The following PARP4 variants were observed in gnomAD, a reference collection of about 807,000 sequenced individuals.
PARP4 encodes the protein poly(ADP-ribose) polymerase family member 4.
Under a neutral mutation model 187.7 loss-of-function variants are expected in PARP4, and 120 were observed. The observed-to-expected ratio is 0.64, with a 90% CI of 0.55 to 0.74. PARP4 has a LOEUF of 0.74. Among genes scored for constraint, PARP4 ranks in the 30% least tolerant of loss-of-function variants. The pLI, the probability that PARP4 is intolerant of heterozygous loss-of-function variation, is 0.00. For synonymous variants in PARP4, 654 were observed against 740.9 expected, an observed-to-expected ratio of 0.88 and a Z score of 1.90; for missense variants, 1,836 against 2,070.5, an observed-to-expected ratio of 0.89 and a Z score of 2.20.
At chr13:24,511,132 C>T (rs1869998482) in intron 1 of PARP4, among the ~76,000 whole-genome samples, 1 of 152,120 alleles carries the variant, frequency 6.6e-6, no homozygotes, top group Admixed American at 6.6e-5. Context: ...CTGTTCTTAG[C>T]ACCTGCGGCT....
chr13:24,442,247 G>A (rs1411624342), intron 29 of PARP4, among the ~76,000 whole-genome samples: 8 of 149,898 alleles, frequency 5.3e-5, no homozygotes, highest in Non-Finnish European at 1.2e-4. Context: ...GGCCTTTTCG[G>A]CCTTTTCTAT....
intron 30 of PARP4, among the ~76,000 whole-genome samples, chr13:24,440,923 A>T (rs1332521572): frequency 6.6e-6 from 1 of 152,112 alleles, no homozygotes; most frequent in Non-Finnish European, 1.5e-5. Flanking sequence ...CTAAGGCTGG[A>T]GTGTAGGGGT....
At chr13:24,454,625 G>T (rs75574535) in intron 22 of PARP4, among the ~76,000 whole-genome samples, 5,341 of 152,254 alleles carry the variant, frequency 0.035, 129 homozygotes, top group African/African-American at 0.069. Context: ...CAGACCAAGG[G>T]TTTTGTATTT....
Position 24,478,204 on chromosome 13 carries a change from G to A in PARP4, c.1521C>T (p.Leu507=), listed in dbSNP as rs567046721. The change falls in exon 13 of 34, where the codon CTC becomes CTT. Residue 507 remains leucine, a synonymous_variant. Coordinates refer to ENST00000381989, the MANE Select transcript of PARP4 (RefSeq NM_006437.4). The part of the protein sequence containing the change: ...TRLLLICDVA[L]GKCMDLHEKD... ...TCTCATGTAAGTCCATACACTTTCCGAGGGCTACGTCACAAATGAGCAGGA... is the reference window on the plus strand; with the variant it reads ...TCTCATGTAAGTCCATACACTTTCCAAGGGCTACGTCACAAATGAGCAGGA... 207 of 1,613,654 alleles carry A rather than the reference G, an allele frequency of 1.3e-4. No homozygotes were observed. Among genetic ancestry groups the A allele is most frequent in the Admixed American group, 4.5e-4 (27 of 59,972 alleles).
intron 30 of PARP4, among the ~76,000 whole-genome samples, chr13:24,438,933 G>C (rs192851693): frequency 6.6e-5 from 10 of 152,300 alleles, no homozygotes; most frequent in Admixed American, 1.3e-4. Context: ...TATCGAGGAA[G>C]AGTAACAGAG....
rs751093728 is a variant in PARP4, at chr13:24,493,630, A to C, written c.845T>G (p.Leu282Arg). 8 of 1,613,938 alleles carry C rather than the reference A, an allele frequency of 5.0e-6. No homozygotes were observed. Among genetic ancestry groups the C allele is most frequent in the Non-Finnish European group, 6.8e-6 (8 of 1,179,956 alleles). Residue 282 changes from leucine to arginine, a missense_variant, in exon 8 of 34, where the codon CTT becomes CGT. Physicochemically the swap from Leu to Arg is moderately radical, Grantham distance 102. This residue lies in a region of PARP4 where 1,147 missense variants were observed against 1,214.2 expected (regional missense o/e 0.94). Transcript: ENST00000381989. The stretch of plus-strand genomic sequence containing the variant: ...GCTAATCCTGTTCACTGGCTTGAGA[A>C]GCATGTGTTCCAGGTGGCCCAGGGC... ...AEALGHLEHMLLKPVNRISLN... is the reference protein window; with the variant it reads ...AEALGHLEHMRLKPVNRISLN...
intron 31 of PARP4, 69 bp from the exon 32 acceptor site, chr13:24,431,545 G>T (rs1870335496): frequency 2.0e-6 from 2 of 991,518 alleles, no homozygotes; most frequent in Non-Finnish European, 1.6e-6. Context: ...TTACGTAGTG[G>T]GGGAAGGAGT....
rs532231448 is a variant in PARP4 at position 24,455,248 on chromosome 13, T to C, written c.2563-36A>G. 1.4e-5 allele frequency: 21 copies of C among 1,489,602 alleles called. No homozygotes were observed. In the African/African-American group the frequency reaches 2.5e-4, roughly 18 times the overall value. The allele number at this position is 1,489,602 out of a possible 1,614,324, so 92.3% of individuals were successfully genotyped here. ...AAAGAAGGTGCTGGACTGGAGCTTC[T>C]TGTCACTTCAACTGCAAAAGGTCTA... On this transcript the variant is annotated intron_variant, in intron 21 of 33. Transcript: ENST00000381989.
Position 24,452,553 on chromosome 13 carries a change from G to A in PARP4, c.2867C>T (p.Thr956Ile), listed in dbSNP as rs771420063. Residue 956 changes from threonine (T) to isoleucine (I), a missense_variant, in exon 24 of 34, where the codon ACA becomes ATA. This residue lies in a region of PARP4 where 1,147 missense variants were observed against 1,214.2 expected (regional missense o/e 0.94). Transcript: ENST00000381989. ...PTMGNTDFWK[T>I]LRYLSLLYPA... ...GTACAATAAGCTAAGATATCGGAGT[G>A]TTTTCCAGAAGTCTGTGTTCCCCAT... The A allele has an allele frequency of 3.1e-6, 5 of 1,614,036 alleles. No individual in the cohort carries two copies. Among genetic ancestry groups the A allele is most frequent in the Admixed American group, 1.7e-5 (1 of 60,010 alleles).
chr13:24,473,328 G>T (rs1160127693), intron 15 of PARP4, among the ~76,000 whole-genome samples: 1 of 152,154 alleles, frequency 6.6e-6, no homozygotes, highest in Non-Finnish European at 1.5e-5. Context: ...AGTGCTTTGA[G>T]CACTGCCTGG....
At chr13:24,450,224 T>C (rs111618647) in intron 24 of PARP4, among the ~76,000 whole-genome samples, 2,873 of 129,294 alleles carry the variant, frequency 0.022, no homozygotes, top group Non-Finnish European at 0.027. Context: ...AAAGTCTACC[T>C]CTTGAAATCT....
intron 1 of PARP4, among the ~76,000 whole-genome samples, chr13:24,510,351 G>A (rs1024227209): frequency 3.3e-5 from 5 of 151,838 alleles, no homozygotes; most frequent in African/African-American, 9.7e-5. Context: ...TCAGGAGATC[G>A]AGGCCATCCC....
chr13:24,472,437 C>T (rs1307060632), intron 15 of PARP4, among the ~76,000 whole-genome samples: 1 of 152,124 alleles, frequency 6.6e-6, no homozygotes, highest in Non-Finnish European at 1.5e-5. Flanking sequence ...TCACCCAACG[C>T]CCCGTCTCCC....
At chr13:24,451,545 T>C (rs1490432700) in intron 24 of PARP4, among the ~76,000 whole-genome samples, 2 of 151,976 alleles carry the variant, frequency 1.3e-5, no homozygotes, top group Non-Finnish European at 2.9e-5. Context: ...CTCCTGGAGC[T>C]CAGGGCGAGT....
At chr13:24,496,137 C>G (rs189848918) in intron 6 of PARP4, among the ~76,000 whole-genome samples, 4 of 152,272 alleles carry the variant, frequency 2.6e-5, no homozygotes, top group Admixed American at 1.3e-4. Flanking sequence ...GAGGGATGTC[C>G]TGGCCTAAAC....
rs144794371 is a variant in PARP4, at chr13:24,470,361, G to A, written c.1915-336C>T. 2.8e-3 allele frequency among the ~76,000 whole-genome samples: 428 copies of A among 152,156 alleles called. 5 individuals carry two copies. The highest frequency in any genetic ancestry group is 9.9e-3 in the African/African-American group (410 of 41,516). On this transcript the variant is annotated intron_variant, in intron 15 of 33. Transcript: ENST00000381989. ...TTTTGTGGGCTTTGATGCCTCCTTC[G>A]TGCCATGTTGGCTGGAAATGATTCC...
At chr13:24,443,146 G>A (rs1449130941) in intron 28 of PARP4, among the ~76,000 whole-genome samples, 3 of 145,348 alleles carry the variant, frequency 2.1e-5, no homozygotes, top group African/African-American at 7.8e-5. Flanking sequence ...GAGGACTAAC[G>A]TTCACAGCCT....
intron 10 of PARP4, among the ~76,000 whole-genome samples, 190 bp from the exon 11 acceptor site, chr13:24,486,495 G>A (rs1216160613): frequency 6.6e-6 from 1 of 152,070 alleles, no homozygotes; most frequent in Non-Finnish European, 1.5e-5. Context: ...ACAAAAATAA[G>A]GATATGTAGT....
At position 24,478,222 on chromosome 13, in the gene PARP4, G is replaced by A. The variant is rs529658114; in HGVS notation, c.1503C>T (p.Leu501=). ...PGETDGTRLL[L]ICDVALGKCM... is the part of the protein sequence containing the mutation. ...ACTTTCCGAGGGCTACGTCACAAAT[G>A]AGCAGGAGTCTGGTGCCATCTGTCT... Residue 501 remains leucine (L), a synonymous_variant, in exon 13 of 34, where the codon CTC becomes CTT. Transcript: ENST00000381989. The A allele has an allele frequency of 8.1e-6, 13 of 1,613,418 alleles. No homozygotes were observed. In the Admixed American group the frequency reaches 1.7e-4, roughly 21 times the overall value.
Sources: gnomAD v4.1 joint callset for allele counts (sites outside exome capture counted in the v4.1 genomes callset) on GRCh38, gnomAD v4.1.1 for gene constraint, gnomAD v4.1.1 regional missense constraint, MANE v1.5 for transcripts, NCBI Gene and HGNC (gene_info 2026-07-23, HGNC 2026-07-21) for gene names.